Variants in SOX5 observed in about 807,000 individuals in gnomAD.
The protein encoded by SOX5 is SRY-box transcription factor 5, also known as transcription factor SOX-5.
A neutral mutation model predicts 92.0 loss-of-function variants in SOX5; 9 were observed. The ratio of observed to expected loss-of-function variants is 0.10; its 90% CI spans 0.06 to 0.17. The LOEUF (loss-of-function observed/expected upper bound fraction) is 0.17, where lower values mean the gene tolerates loss of function less well. SOX5 is among the 10% of genes least tolerant of loss of function. SOX5 has a pLI of 1.00. For missense variants in SOX5, 642 were observed against 944.5 expected, an observed-to-expected ratio of 0.68 and a Z score of 4.20; for synonymous variants, 344 against 336.3, an observed-to-expected ratio of 1.02 and a Z score of -0.25.
At chr12:23,923,882 C>T (rs1182799123) in intron 1 of SOX5, among the ~76,000 whole-genome samples, 1 of 152,196 alleles carries the variant, frequency 6.6e-6, no homozygotes, top group Non-Finnish European at 1.5e-5. Flanking sequence ...AAGCCACCAC[C>T]ATTATATAAC....
intron 4 of SOX5, among the ~76,000 whole-genome samples, chr12:24,132,335 G>A (rs1481891920): frequency 2.6e-5 from 4 of 152,110 alleles, no homozygotes; most frequent in Non-Finnish European, 5.9e-5. Flanking sequence ...CTTCCCAACA[G>A]GATAACTAAC....
intron 3 of SOX5, among the ~76,000 whole-genome samples, chr12:23,807,946 A>C (rs1420182817): frequency 6.6e-6 from 1 of 151,976 alleles, no homozygotes; most frequent in Non-Finnish European, 1.5e-5. Context: ...CTGCATCTGG[A>C]CAAAAATTCC....
At chr12:24,309,680 G>C (rs59139277) in intron 2 of SOX5, among the ~76,000 whole-genome samples, 3,214 of 152,130 alleles carry the variant, frequency 0.021, 110 homozygotes, top group African/African-American at 0.073. Context: ...TTCTTCCTTT[G>C]CTTTCTTGTG....
chr12:24,315,744 T>A (rs1383947891), intron 2 of SOX5, among the ~76,000 whole-genome samples: 1 of 152,192 alleles, frequency 6.6e-6, no homozygotes. Context: ...TTTCCTCTAG[T>A]TTCAAATATA....
intron 2 of SOX5, among the ~76,000 whole-genome samples, chr12:24,278,346 C>A (rs1214634644): frequency 1.3e-5 from 2 of 152,078 alleles, no homozygotes; most frequent in Non-Finnish European, 2.9e-5. Flanking sequence ...AGAGAAGAAT[C>A]CACATTACTT....
At chr12:23,754,485 A>T (rs894222715) in intron 4 of SOX5, among the ~76,000 whole-genome samples, 2 of 151,828 alleles carry the variant, frequency 1.3e-5, no homozygotes, top group African/African-American at 4.8e-5. Flanking sequence ...ATTTGATTCC[A>T]TTGTAGATTT....
At chr12:23,549,744 T>A (rs1291091653) in intron 11 of SOX5, among the ~76,000 whole-genome samples, 2 of 151,902 alleles carry the variant, frequency 1.3e-5, no homozygotes, top group Non-Finnish European at 2.9e-5. Flanking sequence ...ACAACTAGAT[T>A]CCTTTGCAAA....
chr12:23,838,848 G>GGGC (rs1594923974), intron 3 of SOX5, among the ~76,000 whole-genome samples: 1 of 106,768 alleles, frequency 9.4e-6, no homozygotes, highest in Non-Finnish European at 2.0e-5. Flanking sequence ...TTTTTTGGGG[G>GGGC]GGGGGGGCGG....
chr12:23,699,581 TATG>T, intron 6 of SOX5, among the ~76,000 whole-genome samples: 1 of 152,340 alleles, frequency 6.6e-6, no homozygotes. Flanking sequence ...ATATTGTCTA[TATG>T]ATACTTCTAA....
At chr12:23,825,392 C>A (rs577117353) in intron 3 of SOX5, among the ~76,000 whole-genome samples, 1 of 152,184 alleles carries the variant, frequency 6.6e-6, no homozygotes, top group Admixed American at 6.5e-5. Context: ...GCTCACCCTC[C>A]GTGGGGTGCA....
At chr12:24,077,140 G>C (rs561016670) in intron 4 of SOX5, among the ~76,000 whole-genome samples, 1 of 152,190 alleles carries the variant, frequency 6.6e-6, no homozygotes, top group Admixed American at 6.5e-5. Flanking sequence ...TGATAGCTAT[G>C]GCTCCAACAA....
At chr12:23,563,075 A>C (rs1230004764) in intron 11 of SOX5, among the ~76,000 whole-genome samples, 183 bp downstream of exon 11, 1 of 152,046 alleles carries the variant, frequency 6.6e-6, no homozygotes, top group Non-Finnish European at 1.5e-5. Context: ...GAGAATTATA[A>C]CTCTTTCTAT....
At chr12:24,239,997 A>G (rs1249684470) in intron 3 of SOX5, among the ~76,000 whole-genome samples, 2 of 152,166 alleles carry the variant, frequency 1.3e-5, no homozygotes, top group Non-Finnish European at 2.9e-5. Context: ...TTTTAGCAAA[A>G]TGTATGTATC....
rs967244067 is a variant in SOX5, at chr12:23,802,941, G to A, written c.481+43042C>T. On this transcript the variant is annotated intron_variant, in intron 3 of 14. Transcript: ENST00000451604. The stretch of plus-strand genomic sequence containing the variant: ...TAAATTGTTAAGCATTGCTACTCCC[G>A]CCCCTCTTCCCCAACATTCTCCAAC... Among the ~76,000 whole-genome samples, 4 of 151,958 alleles carry A rather than the reference G, an allele frequency of 2.6e-5. No homozygotes were observed. In the South Asian group the frequency reaches 6.2e-4, roughly 24 times the overall value.
intron 4 of SOX5, among the ~76,000 whole-genome samples, chr12:23,979,950 T>TAGATAGACAGAC (rs1555459511): frequency 2.7e-5 from 4 of 145,726 alleles, no homozygotes; most frequent in African/African-American, 1.0e-4. Context: ...GATAGATAGA[T>TAGATAGACAGAC]AGACAGACAG....
chr12:23,931,473 T>C (rs1223100208), intron 1 of SOX5, among the ~76,000 whole-genome samples: 2 of 151,712 alleles, frequency 1.3e-5, no homozygotes, highest in Non-Finnish European at 2.9e-5. Context: ...AATTTTCAAA[T>C]TGATAACTCT....
At chr12:24,383,266 A>T (rs1287113666) in intron 1 of SOX5, among the ~76,000 whole-genome samples, 1 of 152,198 alleles carries the variant, frequency 6.6e-6, no homozygotes, top group African/African-American at 2.4e-5. Context: ...AGTGTCTTTG[A>T]TGATGGTCTT....
At chr12:23,838,142 ATATATT>A (rs1211500553) in intron 3 of SOX5, among the ~76,000 whole-genome samples, 15 of 141,592 alleles carry the variant, frequency 1.1e-4, no homozygotes, top group Non-Finnish European at 2.1e-4. Flanking sequence ...TTTATATTAC[ATATATT>A]TATATTTATA....
chr12:23,626,647 G>A (rs1274337842), intron 8 of SOX5, among the ~76,000 whole-genome samples: 2 of 145,970 alleles, frequency 1.4e-5, no homozygotes, highest in Non-Finnish European at 3.0e-5. Flanking sequence ...GGGATTTCTG[G>A]GCTCTTGGCT....
Sources: gnomAD v4.1 joint callset for allele counts (sites outside exome capture counted in the v4.1 genomes callset) on GRCh38, gnomAD v4.1.1 for gene constraint, MANE v1.5 for transcripts, NCBI Gene and HGNC (gene_info 2026-07-23, HGNC 2026-07-21) for gene names.